NR1I2: variants seen among roughly 807,000 people sequenced by gnomAD.
NR1I2 encodes nuclear receptor subfamily 1 group I member 2.
Under a neutral mutation model 43.3 loss-of-function variants are expected in NR1I2, and 42 were observed. That is an observed-to-expected ratio of 0.97 (90% CI 0.76 to 1.26). The LOEUF (loss-of-function observed/expected upper bound fraction) is 1.26, where lower values mean the gene tolerates loss of function less well. NR1I2 is among the 50% of genes most tolerant of loss of function. The pLI is 0.00. For synonymous variants in NR1I2, 229 were observed against 215.0 expected, an observed-to-expected ratio of 1.06 and a Z score of -0.57; for missense variants, 559 against 566.7, an observed-to-expected ratio of 0.99 and a Z score of 0.14.
At chr3:119,795,813 G>T (rs2054991476) in intron 1 of NR1I2, among the ~76,000 whole-genome samples, 1 of 152,144 alleles carries the variant, frequency 6.6e-6, no homozygotes, top group South Asian at 2.1e-4. Context: ...TATATAGTGG[G>T]ATTTTCTCCT....
At chr3:119,786,840 C>G (rs1400823048) in intron 1 of NR1I2, among the ~76,000 whole-genome samples, 1 of 90,424 alleles carries the variant, frequency 1.1e-5, no homozygotes, top group African/African-American at 2.8e-5. Flanking sequence ...TGCCCCATGC[C>G]AGGGCCAGTG....
At chr3:119,798,639 CAA>C (rs142013482) in intron 1 of NR1I2, among the ~76,000 whole-genome samples, 7 of 121,632 alleles carry the variant, frequency 5.8e-5, no homozygotes, top group East Asian at 2.3e-4. Flanking sequence ...GACTCCGTCT[CAA>C]AAAAAAAAAA....
At chr3:119,790,842 C>T (rs1042868942) in intron 1 of NR1I2, among the ~76,000 whole-genome samples, 5 of 152,152 alleles carry the variant, frequency 3.3e-5, no homozygotes, top group Non-Finnish European at 7.4e-5. Flanking sequence ...AGCCCTACAC[C>T]ACATATTTTT....
chr3:119,813,463 G>T (rs1044443323), intron 5 of NR1I2, among the ~76,000 whole-genome samples: 1 of 152,204 alleles, frequency 6.6e-6, no homozygotes, highest in Non-Finnish European at 1.5e-5. Flanking sequence ...GGCAACTGGG[G>T]TTAGTGGGAG....
Position 119,812,615 on chromosome 3 carries a change from GCCTGAGTTGGGA to G in NR1I2, c.520-66_520-55del. 7 of 1,587,720 alleles carry G rather than the reference GCCTGAGTTGGGA, an allele frequency of 4.4e-6. No homozygotes were observed. The South Asian group carries it at 7.8e-5, about 18-fold the overall frequency. On this transcript the variant is annotated intron_variant, in intron 4 of 8. Coordinates refer to ENST00000393716, the MANE Select transcript of NR1I2 (RefSeq NM_003889.4). ...CTGTGGCTGTGCATGTTTGGCTGGGGCCTGAGTTGGGACCTGTCTATGAAAGCACATGCTGTC... is the reference window on the plus strand; with the variant it reads ...CTGTGGCTGTGCATGTTTGGCTGGGGCCTGTCTATGAAAGCACATGCTGTC...
chr3:119,810,377 C>A (rs955877607), intron 3 of NR1I2, 183 bp downstream of exon 3: 1 of 859,518 alleles, frequency 1.2e-6, no homozygotes, highest in Non-Finnish European at 1.8e-6. Flanking sequence ...GCAGTCGGCC[C>A]TCTGGGAGAT....
In NR1I2 at chr3:119,817,350, T is replaced by C; in HGVS notation, c.*138T>C. The C allele has an allele frequency of 6.5e-7, 1 of 1,548,316 alleles. No individual in the cohort carries two copies. The highest frequency in any genetic ancestry group is 2.4e-5 in the East Asian group (1 of 42,362). On this transcript the variant is annotated 3_prime_UTR_variant, in exon 9 of 9. Coordinates refer to ENST00000393716, the MANE Select transcript of NR1I2 (RefSeq NM_003889.4). ...GCCTGTCTCCCTAGGGAATTCCTGC[T>C]ATGACAGCTGGCTAGCATTCCTCAG...
Position 119,817,192 on chromosome 3 carries a change from T to C in NR1I2, c.1285T>C (p.Phe429Leu). 6.2e-7 allele frequency: 1 copy of C among 1,614,154 alleles called. No homozygotes were observed. The highest frequency in any genetic ancestry group is 8.5e-7 in the Non-Finnish European group (1 of 1,180,026). Residue 429 changes from phenylalanine to leucine, a missense_variant, in exon 9 of 9, where the codon TTC becomes CTC. This residue lies in a region of NR1I2 where 323 missense variants were observed against 312.2 expected (regional missense o/e 1.03). Coordinates refer to ENST00000393716, the MANE Select transcript of NR1I2 (RefSeq NM_003889.4). Reference sequence around the variant, plus strand: ...TGCTACGCCCCTCATGCAGGAGTTGTTCGGCATCACAGGTAGCTGAGCGGC... The same window carrying C: ...TGCTACGCCCCTCATGCAGGAGTTGCTCGGCATCACAGGTAGCTGAGCGGC...
In NR1I2 at chr3:119,807,461, T is replaced by C. The variant is rs1270861595; in HGVS notation, c.197+14T>C. The stretch of plus-strand genomic sequence containing the variant: ...GGGCTTTTTCAGGTAGAGTTACCCA[T>C]CAGCCTTCACCCACGTGCCACCACT... On this transcript the variant is annotated intron_variant, in intron 2 of 8. Transcript: ENST00000393716. 2 of 1,610,560 alleles carry C rather than the reference T, an allele frequency of 1.2e-6. No individual in the cohort carries two copies. The highest frequency in any genetic ancestry group is 2.7e-5 in the African/African-American group (2 of 74,950).
In NR1I2 at chr3:119,817,713, AGG is replaced by A; in HGVS notation, c.*502_*503del. The A allele has an allele frequency of 1.9e-6, 2 of 1,059,472 alleles. No individual in the cohort carries two copies. The highest frequency in any genetic ancestry group is 6.5e-5 in the South Asian group (2 of 30,676). The allele number at this position is 1,059,472 out of a possible 1,614,324, so 65.6% of individuals were successfully genotyped here. On this transcript the variant is annotated 3_prime_UTR_variant, in exon 9 of 9. Transcript: ENST00000393716. ...TCTTCCGAGCTGCTTTGTGGGCTCC[AGG>A]CCTGTACTCATCGGCAGGCGCATGA...
intron 8 of NR1I2, among the ~76,000 whole-genome samples, chr3:119,816,584 G>A (rs1413045723): frequency 6.6e-6 from 1 of 152,160 alleles, no homozygotes; most frequent in Admixed American, 6.5e-5. Flanking sequence ...ACTTTGAGAG[G>A]TCAAGACAGG....
Position 119,802,742 on chromosome 3 carries a change from T to A in NR1I2, c.-22-4487T>A, listed in dbSNP as rs552546032. Among the ~76,000 whole-genome samples, 57 of 152,350 alleles carry A rather than the reference T, an allele frequency of 3.7e-4. 1 individual carries two copies. Among genetic ancestry groups the A allele is most frequent in the Admixed American group, 3.3e-4 (5 of 15,304 alleles). On this transcript the variant is annotated intron_variant, in intron 1 of 8. Transcript: ENST00000393716. Reference sequence around the variant, plus strand: ...TTGTGTCTGTGAACAGTTAGAGGGTTATGTAAAGTCCCTGGGTTTTTGTCA... The same window carrying A: ...TTGTGTCTGTGAACAGTTAGAGGGTAATGTAAAGTCCCTGGGTTTTTGTCA...
intron 1 of NR1I2, among the ~76,000 whole-genome samples, chr3:119,804,144 G>C (rs886190105): frequency 1.3e-5 from 2 of 151,074 alleles, no homozygotes; most frequent in Non-Finnish European, 2.9e-5. Context: ...GGCCAAGGTG[G>C]GCAGATAACG....
chr3:119,794,494 T>C (rs964209901), intron 1 of NR1I2, among the ~76,000 whole-genome samples: 6 of 143,854 alleles, frequency 4.2e-5, no homozygotes, highest in Non-Finnish European at 9.2e-5. Context: ...CACCCAGCCT[T>C]TTTTTTTTTT....
chr3:119,812,589 A>C, intron 4 of NR1I2, 97 bp from the exon 5 acceptor site: 1 of 1,423,806 alleles, frequency 7.0e-7, no homozygotes. Flanking sequence ...TCGAGCTGCA[A>C]CTGTGGCTGT....
At chr3:119,804,559 C>G (rs1222561679) in intron 1 of NR1I2, among the ~76,000 whole-genome samples, 1 of 150,554 alleles carries the variant, frequency 6.6e-6, no homozygotes, top group African/African-American at 2.4e-5. Context: ...ATTCTCCTGG[C>G]TCAGTCTCTC....
At chr3:119,788,328 G>C (rs563361880) in intron 1 of NR1I2, among the ~76,000 whole-genome samples, 1 of 151,770 alleles carries the variant, frequency 6.6e-6, no homozygotes, top group African/African-American at 2.4e-5. Context: ...TTGTTGCCCA[G>C]GTTCATCTGA....
intron 1 of NR1I2, among the ~76,000 whole-genome samples, chr3:119,794,358 A>C (rs1023803178): frequency 1.3e-5 from 2 of 150,672 alleles, no homozygotes; most frequent in African/African-American, 4.9e-5. Flanking sequence ...ACACTTGGCT[A>C]ATTTTTAAAT....
chr3:119,799,985 A>AACACAC (rs35486268), intron 1 of NR1I2, among the ~76,000 whole-genome samples: 37 of 142,402 alleles, frequency 2.6e-4, no homozygotes, highest in South Asian at 7.0e-4. Context: ...CAAACAAACA[A>AACACAC]ACACACACAC....
Sources: gnomAD v4.1 joint callset for allele counts (sites outside exome capture counted in the v4.1 genomes callset) on GRCh38, gnomAD v4.1.1 for gene constraint, gnomAD v4.1.1 regional missense constraint, MANE v1.5 for transcripts, NCBI Gene and HGNC (gene_info 2026-07-23, HGNC 2026-07-21) for gene names.